PAK1: variants seen among roughly 807,000 people sequenced by gnomAD.
The protein encoded by PAK1 is serine/threonine-protein kinase PAK 1.
Under a neutral mutation model 67.4 loss-of-function variants are expected in PAK1, and 29 were observed. The ratio of observed to expected loss-of-function variants is 0.43; its 90% confidence interval spans 0.32 to 0.59. The LOEUF (loss-of-function observed/expected upper bound fraction) is 0.59. Ranked by LOEUF, PAK1 falls within the 20% of genes least tolerant of loss-of-function variation. The pLI is 0.07. For missense variants in PAK1, 337 were observed against 670.7 expected, an observed-to-expected ratio of 0.50 and a Z score of 5.50; for synonymous variants, 223 against 237.4, an observed-to-expected ratio of 0.94 and a Z score of 0.56.
At chr11:77,449,578 G>A (rs1346904325) in intron 1 of PAK1, among the ~76,000 whole-genome samples, 1 of 151,880 alleles carries the variant, frequency 6.6e-6, no homozygotes. Flanking sequence ...CACAGTGAAG[G>A]AGGTGTTATT....
chr11:77,386,621 C>CT (rs927608877), intron 2 of PAK1, among the ~76,000 whole-genome samples: 2 of 152,140 alleles, frequency 1.3e-5, no homozygotes, highest in African/African-American at 4.8e-5. Context: ...CAAAGACATT[C>CT]TACCCACTGG....
the PAK1 span, among the ~76,000 whole-genome samples, chr11:77,490,097 G>T: frequency 6.6e-6 from 1 of 150,908 alleles, no homozygotes; most frequent in Non-Finnish European, 1.5e-5. Flanking sequence ...GCCTCTGCCC[G>T]GCCGCGACCC....
the PAK1 span, among the ~76,000 whole-genome samples, chr11:77,486,149 G>A: frequency 6.6e-6 from 1 of 152,138 alleles, no homozygotes; most frequent in Non-Finnish European, 1.5e-5. Context: ...GTTTAAAAAG[G>A]TTCCTGTTCC....
At chr11:77,432,857 C>T (rs1456509133) in intron 1 of PAK1, among the ~76,000 whole-genome samples, 3 of 150,606 alleles carry the variant, frequency 2.0e-5, no homozygotes, top group African/African-American at 7.3e-5. Context: ...TTTAGAATAG[C>T]ATCAAAAAGA....
At chr11:77,400,043 T>C (rs1460637035) in intron 1 of PAK1, among the ~76,000 whole-genome samples, 1 of 152,052 alleles carries the variant, frequency 6.6e-6, no homozygotes, top group Non-Finnish European at 1.5e-5. Context: ...TTTTACCTAA[T>C]AAAATGTTGA....
chr11:77,472,264 G>A (rs982730254), intron 1 of PAK1, among the ~76,000 whole-genome samples: 1 of 152,200 alleles, frequency 6.6e-6, no homozygotes, highest in African/African-American at 2.4e-5. Flanking sequence ...AGTTTTCAGG[G>A]TCAATGTTCC....
At chr11:77,445,429 T>C (rs1486839014) in intron 1 of PAK1, among the ~76,000 whole-genome samples, 1 of 152,232 alleles carries the variant, frequency 6.6e-6, no homozygotes. Context: ...CACTGTTCAA[T>C]TTATTTTTAG....
intron 9 of PAK1, 42 bp from the exon 10 acceptor site, chr11:77,343,973 C>T (rs375462964): frequency 7.6e-7 from 1 of 1,315,328 alleles, no homozygotes; most frequent in Non-Finnish European, 1.1e-6. Context: ...ATAGTCATTC[C>T]CATTTATTGA....
At chr11:77,439,074 C>T (rs1338294084) in intron 1 of PAK1, among the ~76,000 whole-genome samples, 1 of 152,100 alleles carries the variant, frequency 6.6e-6, no homozygotes, top group Admixed American at 6.5e-5. Flanking sequence ...GCCAGTGATT[C>T]GAAGCCATGA....
At chr11:77,484,499 G>A in the PAK1 span, among the ~76,000 whole-genome samples, 1 of 152,164 alleles carries the variant, frequency 6.6e-6, no homozygotes, top group Non-Finnish European at 1.5e-5. Context: ...CATTTTTTTA[G>A]ACTTTCTTAG....
the PAK1 span, among the ~76,000 whole-genome samples, chr11:77,491,506 G>GTTA: frequency 6.6e-6 from 1 of 152,038 alleles, no homozygotes; most frequent in South Asian, 2.1e-4. Flanking sequence ...ACCAGCCTGA[G>GTTA]TGATAGAGTG....
At chr11:77,396,901 G>GTA (rs1467651707) in intron 1 of PAK1, 1 of 151,890 alleles carries the variant, frequency 6.6e-6, no homozygotes, top group Non-Finnish European at 1.5e-5. Context: ...TGGTCATTTT[G>GTA]TATATCTACA....
At chr11:77,333,279 C>T (rs987741170) in intron 13 of PAK1, among the ~76,000 whole-genome samples, 1 of 149,414 alleles carries the variant, frequency 6.7e-6, no homozygotes, top group Non-Finnish European at 1.5e-5. Flanking sequence ...CTCACTGCAA[C>T]CTCCACCTCC....
chr11:77,493,341 T>C, the PAK1 span, among the ~76,000 whole-genome samples: 1 of 147,968 alleles, frequency 6.8e-6, no homozygotes, highest in African/African-American at 2.5e-5. Context: ...TGCAGTGGCG[T>C]GATCTTGGCT....
At chr11:77,366,820 C>T (rs938351075) in intron 5 of PAK1, among the ~76,000 whole-genome samples, 2 of 152,170 alleles carry the variant, frequency 1.3e-5, no homozygotes, top group African/African-American at 2.4e-5. Flanking sequence ...ATAAAGTTAA[C>T]CACATGCCCC....
At chr11:77,525,178 CT>C in the PAK1 span, among the ~76,000 whole-genome samples, 1 of 145,872 alleles carries the variant, frequency 6.9e-6, no homozygotes, top group Non-Finnish European at 1.5e-5. Context: ...AATCCCACCC[CT>C]ATCAAAAAAA....
chr11:77,454,074 TAAAC>T (rs1202889932), intron 1 of PAK1, among the ~76,000 whole-genome samples: 1 of 152,106 alleles, frequency 6.6e-6, no homozygotes, highest in Non-Finnish European at 1.5e-5. Flanking sequence ...GAAAAATAAA[TAAAC>T]AAATAAATAA....
intron 1 of PAK1, among the ~76,000 whole-genome samples, chr11:77,457,929 C>G (rs868180749): frequency 6.6e-6 from 1 of 152,186 alleles, no homozygotes; most frequent in Admixed American, 6.5e-5. Flanking sequence ...TACCAAGTCC[C>G]TTCAATTATT....
chr11:77,415,976 GTAT>G (rs71043573), intron 1 of PAK1, among the ~76,000 whole-genome samples: 3 of 147,382 alleles, frequency 2.0e-5, no homozygotes. Flanking sequence ...TGTATTCTTT[GTAT>G]TATTATTATT....
Sources: gnomAD v4.1 joint callset for allele counts (sites outside exome capture counted in the v4.1 genomes callset) on GRCh38, gnomAD v4.1.1 for gene constraint, MANE v1.5 for transcripts, NCBI Gene and HGNC (gene_info 2026-07-23, HGNC 2026-07-21) for gene names.